PTPRD: variants seen among roughly 807,000 people sequenced by gnomAD.
The protein encoded by PTPRD is receptor-type tyrosine-protein phosphatase delta.
A neutral mutation model predicts 214.5 loss-of-function variants in PTPRD; 34 were observed. The observed-to-expected ratio is 0.16, with a 90% CI of 0.12 to 0.21. The LOEUF is 0.21. Ranked by LOEUF, PTPRD falls within the 10% of genes least tolerant of loss-of-function variation. The pLI is 1.00. For synonymous variants in PTPRD, 1,128 were observed against 845.7 expected (o/e 1.33, Z -5.79); for missense variants, 2,545 against 2,398.7 (o/e 1.06, Z -1.27).
chr9:9,003,591 AC>A (rs2099434410), intron 11 of PTPRD, among the ~76,000 whole-genome samples: 2 of 152,060 alleles, frequency 1.3e-5, no homozygotes, highest in African/African-American at 4.8e-5. Context: ...TGCCAGTTAA[AC>A]AGTCATCTAA....
At chr9:9,628,764 A>C (rs2095498323) in intron 7 of PTPRD, among the ~76,000 whole-genome samples, 1 of 152,042 alleles carries the variant, frequency 6.6e-6, no homozygotes, top group Non-Finnish European at 1.5e-5. Flanking sequence ...TGTAATCTCA[A>C]TACTCTATGA....
intron 3 of PTPRD, among the ~76,000 whole-genome samples, chr9:10,189,266 G>T (rs1257300396): frequency 1.3e-5 from 2 of 152,166 alleles, no homozygotes; most frequent in Non-Finnish European, 2.9e-5. Context: ...CTTTTAGGGT[G>T]ACTCCAGCTG....
At chr9:8,444,387 C>G (rs1291827041) in intron 34 of PTPRD, among the ~76,000 whole-genome samples, 5 of 151,954 alleles carry the variant, frequency 3.3e-5, no homozygotes, top group Admixed American at 1.3e-4. Flanking sequence ...CACAGACATC[C>G]CTACCTACTC....
intron 9 of PTPRD, among the ~76,000 whole-genome samples, chr9:9,241,951 A>G (rs573765780): frequency 4.6e-5 from 7 of 152,046 alleles, no homozygotes; most frequent in Non-Finnish European, 1.0e-4. Context: ...GATGGTCTTT[A>G]CAATTTGGCA....
intron 7 of PTPRD, among the ~76,000 whole-genome samples, chr9:9,719,485 T>C (rs2097896615): frequency 6.6e-6 from 1 of 152,162 alleles, no homozygotes; most frequent in Admixed American, 6.5e-5. Context: ...AGAGCTGCTT[T>C]AACGTCATAG....
At chr9:10,114,348 A>G (rs1487862370) in intron 3 of PTPRD, among the ~76,000 whole-genome samples, 1 of 152,180 alleles carries the variant, frequency 6.6e-6, no homozygotes, top group Non-Finnish European at 1.5e-5. Context: ...CCAAAGCAGC[A>G]GAAAAGCTTT....
At chr9:9,198,823 T>C (rs1228443558) in intron 9 of PTPRD, among the ~76,000 whole-genome samples, 1 of 152,146 alleles carries the variant, frequency 6.6e-6, no homozygotes, top group Non-Finnish European at 1.5e-5. Flanking sequence ...ATATAGTATA[T>C]CTTCAAATAA....
chr9:9,353,805 T>G (rs2052494645), intron 9 of PTPRD, among the ~76,000 whole-genome samples: 1 of 151,884 alleles, frequency 6.6e-6, no homozygotes, highest in Non-Finnish European at 1.5e-5. Context: ...CAACACCCTT[T>G]TATTAGTTCA....
chr9:8,368,749 G>T (rs144020215), intron 39 of PTPRD, among the ~76,000 whole-genome samples: 2 of 149,048 alleles, frequency 1.3e-5, no homozygotes, highest in East Asian at 4.0e-4. Flanking sequence ...TCTATCATAG[G>T]ACTGTGCCAT....
At chr9:8,528,810 G>C (rs1241899737) in intron 14 of PTPRD, 31 bp from the exon 15 acceptor site, 1 of 1,603,742 alleles carries the variant, frequency 6.2e-7, no homozygotes, top group Non-Finnish European at 8.5e-7. Flanking sequence ...GAAACATTCA[G>C]TTAATAAGTC....
At chr9:9,352,284 A>G (rs1411184795) in intron 9 of PTPRD, among the ~76,000 whole-genome samples, 1 of 151,474 alleles carries the variant, frequency 6.6e-6, no homozygotes, top group Non-Finnish European at 1.5e-5. Context: ...GATAGCTCGT[A>G]AACACAAACA....
intron 8 of PTPRD, among the ~76,000 whole-genome samples, chr9:9,511,754 T>C (rs1436596929): frequency 6.6e-6 from 1 of 151,804 alleles, no homozygotes; most frequent in East Asian, 1.9e-4. Context: ...ATACTTTAGA[T>C]AATTGTATTC....
chr9:10,370,022 T>A lies in PTPRD; in HGVS notation c.-599-29005A>T, dbSNP rs374204853. On this transcript the variant is annotated intron_variant, in intron 2 of 45. Transcript: ENST00000381196. ...CCATATTATGATGCAGGCACTATTA[T>A]TATCCCTTTTCTACAGATGTTGAAA... Among the ~76,000 whole-genome samples the A allele has an allele frequency of 1.2e-4, 19 of 152,186 alleles. No individual in the cohort carries two copies. In the South Asian group the frequency reaches 3.9e-3, roughly 32 times the overall value.
At chr9:10,365,807 G>A (rs1367761429) in intron 2 of PTPRD, among the ~76,000 whole-genome samples, 1 of 151,932 alleles carries the variant, frequency 6.6e-6, no homozygotes. Flanking sequence ...AAATAATAGG[G>A]CATTTTATCT....
Position 10,010,401 on chromosome 9 carries a change from T to C in PTPRD, c.-472+23317A>G, listed in dbSNP as rs115889523. On this transcript the variant is annotated intron_variant, in intron 4 of 45. Coordinates refer to ENST00000381196, the MANE Select transcript of PTPRD (RefSeq NM_002839.4). ...AGATTTTCAGTAATGTCTGCTTGTG[T>C]TGATTTTTAAATTTAAAATTTAATT... Among the ~76,000 whole-genome samples the C allele has an allele frequency of 6.7e-3, 995 of 149,204 alleles. 10 individuals are homozygous for C. Among genetic ancestry groups the C allele is most frequent in the African/African-American group, 0.022 (909 of 41,376 alleles).
intron 5 of PTPRD, among the ~76,000 whole-genome samples, chr9:9,784,593 A>G (rs983939313): frequency 1.3e-5 from 2 of 151,956 alleles, no homozygotes; most frequent in African/African-American, 4.8e-5. Flanking sequence ...GGTACATCTT[A>G]TTTCAAGATT....
chr9:8,464,229 G>C (rs189478439), intron 32 of PTPRD, among the ~76,000 whole-genome samples: 56 of 151,948 alleles, frequency 3.7e-4, no homozygotes, highest in African/African-American at 1.2e-3. Context: ...TATGCTTTTT[G>C]AAATGTTCCT....
At chr9:10,155,976 G>A (rs1320855265) in intron 3 of PTPRD, among the ~76,000 whole-genome samples, 1 of 151,914 alleles carries the variant, frequency 6.6e-6, no homozygotes, top group Admixed American at 6.6e-5. Flanking sequence ...AGTTAGGGAA[G>A]AGTCATTTCT....
intron 2 of PTPRD, among the ~76,000 whole-genome samples, chr9:10,445,699 C>G (rs758869911): frequency 2.0e-5 from 3 of 152,012 alleles, no homozygotes; most frequent in Non-Finnish European, 2.9e-5. Flanking sequence ...AGATGGAACA[C>G]TTAATTTGGG....
Sources: allele counts gnomAD v4.1 joint callset (sites outside exome capture counted in the v4.1 genomes callset), GRCh38; gene constraint gnomAD v4.1.1; transcripts MANE v1.5; gene names NCBI Gene and HGNC (gene_info 2026-07-23, HGNC 2026-07-21).